Variants in PCDHA4 observed in about 807,000 individuals in gnomAD.
PCDHA4 encodes protocadherin alpha 4.
PCDHA4 carries 49 observed loss-of-function variants against 61.4 expected under a neutral mutation model. That is an observed-to-expected ratio of 0.80 (90% CI 0.63 to 1.01). The LOEUF (loss-of-function observed/expected upper bound fraction) is 1.01, where lower values mean the gene tolerates loss of function less well. PCDHA4 is among the 50% of genes least tolerant of loss of function. The probability of loss-of-function intolerance (pLI) is 0.00; values close to 1 mark genes in which losing one functional copy is unlikely to be tolerated. For synonymous variants in PCDHA4, 590 were observed against 550.3 expected, an observed-to-expected ratio of 1.07 and a Z score of -1.01; for missense variants, 1,254 against 1,235.8, an observed-to-expected ratio of 1.01 and a Z score of -0.22.
Position 140,807,501 on chromosome 5 carries a change from A to C in PCDHA4, c.314A>C (p.His105Pro). 1 of 1,613,786 alleles carries C rather than the reference A, an allele frequency of 6.2e-7. No homozygotes were observed. Among genetic ancestry groups the C allele is most frequent in the Non-Finnish European group, 8.5e-7 (1 of 1,179,930 alleles). The change falls in exon 1 of 4, where the codon CAC becomes CCC. Residue 105 changes from histidine to proline, a missense_variant. Physicochemically the swap from His to Pro is moderately conservative, Grantham distance 77. Transcript: ENST00000530339. ...LCRRSAECSI[H>P]LEVIVDRPLQ... ...CGGCGGAGCGCGGAGTGCAGCATCC[A>C]CCTGGAGGTGATCGTAGACAGGCCG...
chr5:140,870,085 C>T lies in PCDHA4; in HGVS notation c.2385+60513C>T, dbSNP rs200687541. ...ACAGGCTACAGATAAGGGGACTCCCCCAATGGCAGGTCACTGTACAGTCTG... is the reference window on the plus strand; with the variant it reads ...ACAGGCTACAGATAAGGGGACTCCCTCAATGGCAGGTCACTGTACAGTCTG... On this transcript the variant is annotated intron_variant, in intron 1 of 3. Coordinates refer to ENST00000530339, the MANE Select transcript of PCDHA4 (RefSeq NM_018907.4). 1.7e-4 allele frequency: 271 copies of T among 1,613,744 alleles called. No homozygotes were observed. The highest frequency in any genetic ancestry group is 1.8e-4 in the Non-Finnish European group (215 of 1,179,872).
intron 1 of PCDHA4, chr5:140,858,461 C>G: frequency 1.3e-6 from 2 of 1,524,640 alleles, no homozygotes; most frequent in Non-Finnish European, 1.8e-6. Flanking sequence ...TTTCATTTTC[C>G]TTTTGTGCTT....
At chr5:140,941,317 C>T (rs1264351232) in intron 1 of PCDHA4, among the ~76,000 whole-genome samples, 5 of 99,210 alleles carry the variant, frequency 5.0e-5, no homozygotes, top group Admixed American at 1.1e-4. Flanking sequence ...TTTCTTCTTT[C>T]TCTTTTTTTT....
chr5:140,844,090 A>G (rs1779217749), intron 1 of PCDHA4, among the ~76,000 whole-genome samples: 1 of 149,658 alleles, frequency 6.7e-6, no homozygotes. Context: ...CTGAACTCTT[A>G]ATCTTACTCC....
In PCDHA4 at chr5:140,978,971, G is replaced by C. The variant is rs782774245; in HGVS notation, c.2408G>C (p.Trp803Ser). Residue 803 changes from tryptophan (W) to serine (S), a missense_variant, in exon 2 of 4, where the codon TGG (tryptophan) becomes TCG (serine). Trp to Ser is a radical substitution (Grantham distance 177). Transcript: ENST00000530339. ...CAGCCACGACAGCCCAACCCTGACT[G>C]GCGTTACTCTGCCTCCCTGAGAGCA... is the stretch of plus-strand genomic sequence containing the variant. ...FAKPRQPNPD[W>S]RYSASLRAGM... 6.2e-7 allele frequency: 1 copy of C among 1,614,170 alleles called. No homozygotes were observed. The highest frequency in any genetic ancestry group is 2.2e-5 in the East Asian group (1 of 44,882).
Position 140,829,995 on chromosome 5 carries a change from G to T in PCDHA4, c.2385+20423G>T, listed in dbSNP as rs1297305883. On this transcript the variant is annotated intron_variant, in intron 1 of 3. Transcript: ENST00000530339. ...TACACGGGCGAGATCAGCACCACTCGTGTCCTGGACGAAGCGGACTCTCCG... is the reference window on the plus strand; with the variant it reads ...TACACGGGCGAGATCAGCACCACTCTTGTCCTGGACGAAGCGGACTCTCCG... 3 of 1,613,866 alleles carry T rather than the reference G, an allele frequency of 1.9e-6. No homozygotes were observed. In the African/African-American group the frequency reaches 4.0e-5, roughly 22 times the overall value.
intron 1 of PCDHA4, chr5:140,828,729 C>T (rs1554131485): frequency 2.5e-6 from 4 of 1,614,254 alleles, no homozygotes; most frequent in Non-Finnish European, 3.4e-6. Flanking sequence ...TTATTCCTGA[C>T]AGCCACAGAT....
At chr5:140,829,437 A>G in intron 1 of PCDHA4, 1 of 1,614,082 alleles carries the variant, frequency 6.2e-7, no homozygotes, top group Non-Finnish European at 8.5e-7. Flanking sequence ...GCCGACATGA[A>G]TGACAATGCT....
chr5:140,854,562 C>G (rs1316320721), intron 1 of PCDHA4: 1 of 149,730 alleles, frequency 6.7e-6, no homozygotes, highest in Non-Finnish European at 1.5e-5. Flanking sequence ...AATATTGTTG[C>G]TCTGTCATTC....
At chr5:140,881,988 C>A in intron 1 of PCDHA4, 1 of 434,968 alleles carries the variant, frequency 2.3e-6, no homozygotes, top group Non-Finnish European at 4.0e-6. Flanking sequence ...GTGAAAATGT[C>A]AGGAAATGCA....
At chr5:140,981,458 C>T (rs1465511355) in intron 2 of PCDHA4, among the ~76,000 whole-genome samples, 5 of 152,134 alleles carry the variant, frequency 3.3e-5, no homozygotes, top group African/African-American at 4.8e-5. Flanking sequence ...CCTGTAGTCC[C>T]AGCTACTTGG....
In PCDHA4 at chr5:141,002,410, T is replaced by C. The variant is rs1034024595; in HGVS notation, c.2534-7217T>C. 2.2e-4 allele frequency among the ~76,000 whole-genome samples: 33 copies of C among 152,326 alleles called. 1 individual carries two copies. The highest frequency in any genetic ancestry group is 7.5e-4 in the African/African-American group (31 of 41,578). On this transcript the variant is annotated intron_variant, in intron 3 of 3. Coordinates refer to ENST00000530339, the MANE Select transcript of PCDHA4 (RefSeq NM_018907.4). The stretch of plus-strand genomic sequence containing the variant: ...TGCTGGCATCTCTGTGCCTCCCAAA[T>C]AGTAGTAACAAAACAGGCAATAACC...
At chr5:140,941,215 C>CTTTCTTTCTTTCTTTG (rs2092887387) in intron 1 of PCDHA4, among the ~76,000 whole-genome samples, 2 of 104,510 alleles carry the variant, frequency 1.9e-5, no homozygotes, top group Non-Finnish European at 4.1e-5. Context: ...TTCTTTCTTC[C>CTTTCTTTCTTTCTTTG]TTTCTTTCTT....
intron 3 of PCDHA4, 104 bp from the exon 4 acceptor site, chr5:141,009,523 G>A: frequency 6.7e-7 from 1 of 1,502,140 alleles, no homozygotes; most frequent in Non-Finnish European, 8.9e-7. Flanking sequence ...GATTTTTCTG[G>A]GGAGGTTCAG....
intron 1 of PCDHA4, among the ~76,000 whole-genome samples, chr5:140,945,113 T>C (rs1359604882): frequency 2.6e-5 from 4 of 152,084 alleles, no homozygotes; most frequent in African/African-American, 4.8e-5. Flanking sequence ...AGTTGAAAGA[T>C]AAAAAATCAA....
At chr5:140,883,219 A>G (rs1416740017) in intron 1 of PCDHA4, 1 of 1,613,942 alleles carries the variant, frequency 6.2e-7, no homozygotes, top group Non-Finnish European at 8.5e-7. Flanking sequence ...AATTATATGA[A>G]ATATCCGTGG....
chr5:140,977,245 AC>A (rs2096751811), intron 1 of PCDHA4, among the ~76,000 whole-genome samples: 1 of 152,212 alleles, frequency 6.6e-6, no homozygotes, highest in Non-Finnish European at 1.5e-5. Context: ...AAAATTGGCA[AC>A]ATTTCTCAGC....
In PCDHA4 at chr5:141,010,200, C is replaced by T. The variant is rs1356287133; in HGVS notation, c.*263C>T. On this transcript the variant is annotated 3_prime_UTR_variant, in exon 4 of 4. Coordinates refer to ENST00000530339, the MANE Select transcript of PCDHA4 (RefSeq NM_018907.4). ...AGCAGACCCAAGTTTCCTTTCTCCTCCGCCGCAAAGGAGAGGCTTCCCAGC... is the reference window on the plus strand; with the variant it reads ...AGCAGACCCAAGTTTCCTTTCTCCTTCGCCGCAAAGGAGAGGCTTCCCAGC... The T allele has an allele frequency of 1.3e-6, 2 of 1,551,984 alleles. No individual in the cohort carries two copies. Among genetic ancestry groups the T allele is most frequent in the African/African-American group, 2.7e-5 (2 of 73,038 alleles).
chr5:140,920,716 C>T (rs1456008356), intron 1 of PCDHA4, among the ~76,000 whole-genome samples: 3 of 151,916 alleles, frequency 2.0e-5, no homozygotes, highest in South Asian at 2.1e-4. Flanking sequence ...TGGTGGTGTG[C>T]GCCTGCAGTC....
Sources: gnomAD v4.1 joint callset for allele counts (sites outside exome capture counted in the v4.1 genomes callset) on GRCh38, gnomAD v4.1.1 for gene constraint, MANE v1.5 for transcripts, NCBI Gene and HGNC (gene_info 2026-07-23, HGNC 2026-07-21) for gene names.